The following PLXNA4 variants were observed in gnomAD, a reference collection of about 807,000 sequenced individuals.
The protein encoded by PLXNA4 is plexin A4, also known as plexin-A4.
Under a neutral mutation model 191.8 loss-of-function variants are expected in PLXNA4, and 44 were observed. That is an observed-to-expected ratio of 0.23 (90% CI 0.18 to 0.29). The LOEUF is 0.29. Among genes scored for constraint, PLXNA4 ranks in the 10% least tolerant of loss-of-function variants. The pLI, the probability that PLXNA4 is intolerant of heterozygous loss-of-function variation, is 1.00. For missense variants in PLXNA4, 1,800 were observed against 2,488.8 expected (o/e 0.72, Z 5.89); for synonymous variants, 1,082 against 1,009.5 (o/e 1.07, Z -1.36).
At chr7:132,396,936 C>A (rs959350905) in intron 3 of PLXNA4, among the ~76,000 whole-genome samples, 1 of 152,262 alleles carries the variant, frequency 6.6e-6, no homozygotes, top group Admixed American at 6.5e-5. Context: ...ATAGAGCCTC[C>A]AGGGGCGGCC....
intron 3 of PLXNA4, among the ~76,000 whole-genome samples, chr7:132,441,511 A>G (rs761533540): frequency 6.6e-6 from 1 of 152,216 alleles, no homozygotes; most frequent in Non-Finnish European, 1.5e-5. Flanking sequence ...TTCCCTAGCT[A>G]GGAGCACGTT....
At chr7:132,575,721 C>A (rs969618563) in intron 1 of PLXNA4, among the ~76,000 whole-genome samples, 1 of 152,196 alleles carries the variant, frequency 6.6e-6, no homozygotes, top group Non-Finnish European at 1.5e-5. Flanking sequence ...ACATACGCGG[C>A]GATGCTTTAA....
At chr7:132,473,912 CCT>C (rs1271186219) in intron 3 of PLXNA4, among the ~76,000 whole-genome samples, 1 of 151,000 alleles carries the variant, frequency 6.6e-6, no homozygotes, top group African/African-American at 2.4e-5. Flanking sequence ...CAAAATAAAA[CCT>C]CTCCCACCCA....
intron 3 of PLXNA4, among the ~76,000 whole-genome samples, chr7:132,358,186 T>C (rs1000412466): frequency 7.9e-5 from 12 of 152,252 alleles, no homozygotes; most frequent in African/African-American, 2.9e-4. Flanking sequence ...TATTTAATTA[T>C]CCAGATATTT....
At chr7:132,563,610 T>C (rs1208183859) in intron 1 of PLXNA4, among the ~76,000 whole-genome samples, 35 of 79,002 alleles carry the variant, frequency 4.4e-4, no homozygotes, top group African/African-American at 7.8e-4. Flanking sequence ...TCCTCCTCCT[T>C]CTCTTCCTCC....
intron 3 of PLXNA4, among the ~76,000 whole-genome samples, chr7:132,326,023 G>A (rs558357698): frequency 4.6e-5 from 7 of 152,286 alleles, no homozygotes; most frequent in South Asian, 2.1e-4. Flanking sequence ...ACTTTATTCT[G>A]AGTGCACCTG....
chr7:132,647,035 G>A (rs1196978314), intron 1 of PLXNA4, among the ~76,000 whole-genome samples: 11 of 140,500 alleles, frequency 7.8e-5, no homozygotes, highest in African/African-American at 2.7e-4. Flanking sequence ...ACACATACAC[G>A]CAGTCACACA....
At chr7:132,627,320 C>A (rs888044712) in intron 2 of PLXNA4, among the ~76,000 whole-genome samples, 4 of 152,130 alleles carry the variant, frequency 2.6e-5, no homozygotes, top group South Asian at 2.1e-4. Flanking sequence ...CTTTTACACA[C>A]ACACACTTTT....
chr7:132,432,926 T>C (rs1308462862), intron 3 of PLXNA4, among the ~76,000 whole-genome samples: 1 of 152,184 alleles, frequency 6.6e-6, no homozygotes, highest in Non-Finnish European at 1.5e-5. Context: ...ACAAGTACAG[T>C]ACATTGTTGG....
At chr7:132,266,155 GGT>G (rs1392593235) in intron 4 of PLXNA4, 2 of 149,620 alleles carry the variant, frequency 1.3e-5, no homozygotes, top group Non-Finnish European at 3.0e-5. Context: ...GTATATGTGT[GGT>G]GTATGTGTCT....
chr7:132,507,686 G>A lies in PLXNA4; in HGVS notation c.1008C>T (p.Phe336=), dbSNP rs147937167. ...GCTTCTGGCCCTTGGAGAAGACGGT[G>A]AAGAGCAGGTCATCATCTGGATGGA... ...LGVHPDDDLL[F]TVFSKGQKRK... is the part of the protein sequence containing the mutation. Residue 336 remains phenylalanine (F), a synonymous_variant, in exon 2 of 32, where the codon TTC becomes TTT. Transcript: ENST00000321063. 65 of 1,614,234 alleles carry A rather than the reference G, an allele frequency of 4.0e-5. No individual in the cohort carries two copies. The African/African-American group carries it at 6.9e-4, about 17-fold the overall frequency.
chr7:132,246,219 C>T lies in PLXNA4; in HGVS notation c.1504-5053G>A, dbSNP rs1001837468. Among the ~76,000 whole-genome samples the T allele has an allele frequency of 7.4e-4, 113 of 152,156 alleles. 1 individual carries two copies. The highest frequency in any genetic ancestry group is 1.3e-4 in the Non-Finnish European group (9 of 68,034). On this transcript the variant is annotated intron_variant, in intron 4 of 31. Coordinates refer to ENST00000321063, the MANE Select transcript of PLXNA4 (RefSeq NM_020911.2). ...CTTAGCTCCTTGGGTCAAAGGGGAA[C>T]GGCTTTTGCTGGTAGACTAATACAA...
At chr7:132,399,849 A>G (rs1290753367) in intron 3 of PLXNA4, among the ~76,000 whole-genome samples, 2 of 152,144 alleles carry the variant, frequency 1.3e-5, no homozygotes, top group Non-Finnish European at 2.9e-5. Flanking sequence ...TGTACACGCA[A>G]TGAAATGTGC....
chr7:132,162,245 C>T (rs1795973347), intron 24 of PLXNA4, among the ~76,000 whole-genome samples: 2 of 152,240 alleles, frequency 1.3e-5, no homozygotes, highest in African/African-American at 4.8e-5. Context: ...ATACTTTCCC[C>T]AGGCCTGAAG....
chr7:132,153,766 C>G (rs1795712858), intron 25 of PLXNA4, among the ~76,000 whole-genome samples: 1 of 152,208 alleles, frequency 6.6e-6, no homozygotes, highest in Non-Finnish European at 1.5e-5. Flanking sequence ...CCAGGGTGCA[C>G]AGCACCTGAT....
intron 2 of PLXNA4, among the ~76,000 whole-genome samples, chr7:132,625,970 T>C (rs990173982): frequency 1.1e-4 from 16 of 152,150 alleles, no homozygotes; most frequent in Non-Finnish European, 1.9e-4. Context: ...ATCTGAGTAG[T>C]CTGAAATAGA....
At chr7:132,227,928 G>C (rs1464395679) in intron 6 of PLXNA4, among the ~76,000 whole-genome samples, 13 of 152,150 alleles carry the variant, frequency 8.5e-5, no homozygotes. Context: ...TCTTCCATTA[G>C]GCCCAATTTT....
At chr7:132,610,808 A>G (rs1036624948) in intron 2 of PLXNA4, among the ~76,000 whole-genome samples, 1 of 152,182 alleles carries the variant, frequency 6.6e-6, no homozygotes, top group African/African-American at 2.4e-5. Flanking sequence ...TTAGGAGATA[A>G]CCACCCATAT....
intron 1 of PLXNA4, among the ~76,000 whole-genome samples, chr7:132,561,853 CCTT>C (rs1255364705): frequency 9.1e-5 from 13 of 143,402 alleles, no homozygotes; most frequent in East Asian, 4.5e-4. Flanking sequence ...TCCTCCTCCT[CCTT>C]ATCCTCCTCT....
Sources: gnomAD v4.1 joint callset for allele counts (sites outside exome capture counted in the v4.1 genomes callset) on GRCh38, gnomAD v4.1.1 for gene constraint, MANE v1.5 for transcripts, NCBI Gene and HGNC (gene_info 2026-07-23, HGNC 2026-07-21) for gene names.